Variants in SLC9D1 observed in about 807,000 individuals in gnomAD.
The protein encoded by SLC9D1 is putative LAG1-interacting protein.
chr13:113,526,103 C>T, the SLC9D1 span, among the ~76,000 whole-genome samples: 3 of 152,196 alleles, frequency 2.0e-5, no homozygotes, highest in East Asian at 3.8e-4. Flanking sequence ...GGTTATTCCA[C>T]CTGAAGACCT....
chr13:113,513,345 A>G, the SLC9D1 span, among the ~76,000 whole-genome samples: 1 of 152,190 alleles, frequency 6.6e-6, no homozygotes, highest in Non-Finnish European at 1.5e-5. Flanking sequence ...CAGGGCCCAG[A>G]CCCAGGCCCT....
At chr13:113,545,580 C>T in the SLC9D1 span, among the ~76,000 whole-genome samples, 1 of 152,212 alleles carries the variant, frequency 6.6e-6, no homozygotes, top group African/African-American at 2.4e-5. Flanking sequence ...CCCACTCCGC[C>T]CCCAGGGCCA....
At chr13:113,536,288 G>C in the SLC9D1 span, among the ~76,000 whole-genome samples, 3 of 150,818 alleles carry the variant, frequency 2.0e-5, no homozygotes, top group Non-Finnish European at 4.4e-5. Flanking sequence ...TGAGGCAAGA[G>C]AATCACTTGA....
At chr13:113,498,196 A>G in the SLC9D1 span, 4 of 562,480 alleles carry the variant, frequency 7.1e-6, no homozygotes, top group African/African-American at 7.9e-5. Context: ...TTGAATAACT[A>G]GGACACGTGA....
the SLC9D1 span, among the ~76,000 whole-genome samples, chr13:113,501,017 A>G: frequency 1.3e-5 from 2 of 152,098 alleles, no homozygotes; most frequent in African/African-American, 4.8e-5. Flanking sequence ...CCTGCTCCTC[A>G]CTGACCTTCA....
At chr13:113,513,312 C>T in the SLC9D1 span, among the ~76,000 whole-genome samples, 5 of 152,314 alleles carry the variant, frequency 3.3e-5, no homozygotes, top group African/African-American at 1.2e-4. Flanking sequence ...GACCCCAGAG[C>T]ACCGCCCACC....
At chr13:113,501,974 G>C in the SLC9D1 span, 5 of 1,021,204 alleles carry the variant, frequency 4.9e-6, no homozygotes, top group Non-Finnish European at 7.4e-6. Flanking sequence ...GATTAATGCA[G>C]ATACCAGCTT....
the SLC9D1 span, among the ~76,000 whole-genome samples, chr13:113,518,502 C>T: frequency 6.6e-6 from 1 of 152,202 alleles, no homozygotes; most frequent in Non-Finnish European, 1.5e-5. Context: ...AAGGCTATCT[C>T]TAAAAAGTGA....
chr13:113,523,728 T>A, the SLC9D1 span, among the ~76,000 whole-genome samples: 20 of 152,360 alleles, frequency 1.3e-4, no homozygotes, highest in African/African-American at 4.8e-4. Context: ...GATTTTAAAC[T>A]TCTCATCTTT....
the SLC9D1 span, among the ~76,000 whole-genome samples, chr13:113,506,650 C>G: frequency 1.3e-5 from 2 of 151,982 alleles, no homozygotes; most frequent in African/African-American, 4.8e-5. Flanking sequence ...GGATGAAGTT[C>G]TGGCTGTGCA....
At chr13:113,539,325 T>C in the SLC9D1 span, 1 of 1,603,542 alleles carries the variant, frequency 6.2e-7, no homozygotes, top group Non-Finnish European at 8.5e-7. This position sits in a 1 kb window ranked among gnomAD's most constrained non-coding sequence, Gnocchi z 4.8. Context: ...CACTGTGGGG[T>C]CTCATGTAAA....
At chr13:113,508,078 T>C in the SLC9D1 span, among the ~76,000 whole-genome samples, 4 of 152,236 alleles carry the variant, frequency 2.6e-5, no homozygotes, top group Admixed American at 1.3e-4. Flanking sequence ...CCTGTGGCCT[T>C]TCCTGGTGCC....
At chr13:113,494,253 C>G in the SLC9D1 span, among the ~76,000 whole-genome samples, 1 of 152,036 alleles carries the variant, frequency 6.6e-6, no homozygotes, top group Non-Finnish European at 1.5e-5. Flanking sequence ...GTTTTGTTGC[C>G]TTTTTTGGGA....
chr13:113,536,113 C>T, the SLC9D1 span, among the ~76,000 whole-genome samples: 1 of 152,308 alleles, frequency 6.6e-6, no homozygotes, highest in African/African-American at 2.4e-5. Context: ...CGCGGTGGCT[C>T]ACGCCTGTAA....
At chr13:113,529,988 A>G in the SLC9D1 span, 1 of 152,282 alleles carries the variant, frequency 6.6e-6, no homozygotes, top group Admixed American at 6.5e-5. Flanking sequence ...TCAATTAGAT[A>G]ACAGGTAGAT....
At chr13:113,515,718 C>T in the SLC9D1 span, among the ~76,000 whole-genome samples, 39 of 151,856 alleles carry the variant, frequency 2.6e-4, no homozygotes, top group Non-Finnish European at 4.3e-4. Context: ...GGTGAAACCC[C>T]GTCTCTACTA....
the SLC9D1 span, among the ~76,000 whole-genome samples, chr13:113,531,956 C>A: frequency 0.041 from 6,316 of 152,262 alleles, 172 homozygotes; most frequent in Non-Finnish European, 0.057. Context: ...GTCCTGGAGC[C>A]AGATACCTGA....
the SLC9D1 span, among the ~76,000 whole-genome samples, chr13:113,540,209 G>A: frequency 2.6e-5 from 4 of 152,202 alleles, no homozygotes; most frequent in East Asian, 3.8e-4. Context: ...GTGTGAGTGC[G>A]TGTGTCTTTA....
At chr13:113,520,685 T>C in the SLC9D1 span, 1 of 1,614,072 alleles carries the variant, frequency 6.2e-7, no homozygotes, top group South Asian at 1.1e-5. Context: ...GGGCTCTTCA[T>C]GGCCGTCATG....
Sources: allele counts gnomAD v4.1 joint callset (sites outside exome capture counted in the v4.1 genomes callset), GRCh38; gene constraint gnomAD v4.1.1; non-coding constraint Gnocchi (gnomAD v3.1); transcripts MANE v1.5; gene names NCBI Gene and HGNC (gene_info 2026-07-23, HGNC 2026-07-21).